The following WNT9B variants were observed in gnomAD, a reference collection of about 807,000 sequenced individuals.
WNT9B encodes the protein Wnt family member 9B, also known as protein Wnt-9b.
WNT9B carries 12 observed loss-of-function variants against 30.2 expected under a neutral mutation model. The observed-to-expected ratio is 0.40, with a 90% CI of 0.26 to 0.64. The LOEUF is 0.64. WNT9B is among the 30% of genes least tolerant of loss of function. The pLI is 0.42. For missense variants in WNT9B, 442 were observed against 485.2 expected (o/e 0.91, Z 0.84); for synonymous variants, 218 against 216.9 (o/e 1.01, Z -0.05).
chr17:46,846,435 A>T (rs1453783442), intron 1 of WNT9B, among the ~76,000 whole-genome samples: 1 of 152,238 alleles, frequency 6.6e-6, no homozygotes, highest in East Asian at 1.9e-4. Context: ...AGGTGTCTGC[A>T]GTCTACACAT....
At chr17:46,872,229 A>G (rs1213303559) in intron 1 of WNT9B, among the ~76,000 whole-genome samples, 1 of 152,228 alleles carries the variant, frequency 6.6e-6, no homozygotes, top group Non-Finnish European at 1.5e-5. Context: ...CGTATTTTTA[A>G]TAAGCACCCC....
chr17:46,876,881 CT>C lies in WNT9B; in HGVS notation c.*167del. ...CACTCACCACCATTCCTTGGCCAGC[CT>C]TTTGCCTCCCTCGATACTCAACAAA... On this transcript the variant is annotated 3_prime_UTR_variant, in exon 4 of 4. Coordinates refer to ENST00000290015, the MANE Select transcript of WNT9B (RefSeq NM_003396.3). The C allele has an allele frequency of 7.2e-7, 1 of 1,392,830 alleles. No individual in the cohort carries two copies. 86.3% of individuals were successfully genotyped at this position (1,392,830 alleles called of 1,614,324 possible). A position where few individuals can be genotyped will look rare whatever the true frequency, so the allele number is the denominator to read the frequency against.
At chr17:46,841,369 C>T (rs1297726039) in intron 1 of WNT9B, among the ~76,000 whole-genome samples, 2 of 152,200 alleles carry the variant, frequency 1.3e-5, no homozygotes, top group Non-Finnish European at 2.9e-5. Context: ...TGCTGTGAGG[C>T]TTCCCGGTGG....
At chr17:46,870,860 A>C (rs570805202) in intron 1 of WNT9B, among the ~76,000 whole-genome samples, 31 of 150,664 alleles carry the variant, frequency 2.1e-4, no homozygotes, top group African/African-American at 7.3e-4. Context: ...CAAGTGCCAC[A>C]TCCAAGCAGG....
At chr17:46,871,071 C>T (rs1230296568) in intron 1 of WNT9B, among the ~76,000 whole-genome samples, 2 of 152,042 alleles carry the variant, frequency 1.3e-5, no homozygotes, top group Admixed American at 1.3e-4. Flanking sequence ...CCACCATGCC[C>T]ACATAATTTT....
chr17:46,857,122 C>G (rs1010170984), intron 1 of WNT9B, among the ~76,000 whole-genome samples: 1 of 152,082 alleles, frequency 6.6e-6, no homozygotes, highest in Non-Finnish European at 1.5e-5. Flanking sequence ...GCTGAGTATT[C>G]CTTTGTATGG....
At position 46,872,572 on chromosome 17, in the gene WNT9B, C is replaced by G; in HGVS notation, c.133C>G (p.Pro45Ala). The change falls in exon 2 of 4, where the codon CCG becomes GCG. Residue 45 changes from proline to alanine, a missense_variant. Physicochemically the swap from Pro to Ala is conservative, Grantham distance 27. Coordinates refer to ENST00000290015, the MANE Select transcript of WNT9B (RefSeq NM_003396.3). Reference protein sequence around the residue: ...PFPGLGTAAAPAQGGAHLKQC... With the variant: ...PFPGLGTAAAAAQGGAHLKQC... ...CCCAGGATTGGGCACTGCGGCAGCCCCGGCACAGGGCGGGGCCCACCTGAA... is the reference window on the plus strand; with the variant it reads ...CCCAGGATTGGGCACTGCGGCAGCCGCGGCACAGGGCGGGGCCCACCTGAA... The G allele has an allele frequency of 6.3e-7, 1 of 1,599,602 alleles. No individual in the cohort carries two copies. The highest frequency in any genetic ancestry group is 8.5e-7 in the Non-Finnish European group (1 of 1,171,530).
rs146057219 is a variant in WNT9B at position 46,867,453 on chromosome 17, G to A, written c.78-5064G>A. Among the ~76,000 whole-genome samples, 460 of 152,336 alleles carry A rather than the reference G, an allele frequency of 3.0e-3. 3 individuals are homozygous for A. Among genetic ancestry groups the A allele is most frequent in the Middle Eastern group, 6.8e-3 (2 of 294 alleles). On this transcript the variant is annotated intron_variant, in intron 1 of 3. Transcript: ENST00000290015. ...TCAGTTGGTGAGGGGACAACCCTGA[G>A]GTCACCTCGGAGTGAGTCAGACCTA...
chr17:46,838,592 A>G (rs1239691613), intron 1 of WNT9B, among the ~76,000 whole-genome samples: 1 of 152,124 alleles, frequency 6.6e-6, no homozygotes, highest in African/African-American at 2.4e-5. Flanking sequence ...GCGCCACTGC[A>G]CTCCAGCCTG....
intron 1 of WNT9B, among the ~76,000 whole-genome samples, chr17:46,865,999 G>A (rs1381768444): frequency 2.6e-5 from 4 of 152,180 alleles, no homozygotes; most frequent in Non-Finnish European, 4.4e-5. Flanking sequence ...AAAAGAGGGG[G>A]TGGAGAGAGT....
intron 1 of WNT9B, among the ~76,000 whole-genome samples, chr17:46,856,510 A>C (rs920876702): frequency 6.8e-6 from 1 of 147,500 alleles, no homozygotes; most frequent in African/African-American, 2.5e-5. Flanking sequence ...TTTGAGATGG[A>C]GTCTCACTAT....
rs201141085 is a variant in WNT9B at position 46,875,354 on chromosome 17, C to T, written c.588C>T (p.His196=). The change falls in exon 3 of 4, where the codon CAC becomes CAT. Residue 196 remains histidine (H), a synonymous_variant. Transcript: ENST00000290015. ...CACGGGCAGACGCCCACAATACCCA[C>T]GTGGGCATCAAGGTGAGCATGTCCC... ...LRARADAHNT[H]VGIKAVKSGL... is the part of the protein sequence containing the mutation. 57 of 1,604,502 alleles carry T rather than the reference C, an allele frequency of 3.6e-5. No individual in the cohort carries two copies. Among genetic ancestry groups the T allele is most frequent in the South Asian group, 2.0e-4 (18 of 89,922 alleles).
At chr17:46,857,636 T>C (rs935937457) in intron 1 of WNT9B, among the ~76,000 whole-genome samples, 48 of 152,344 alleles carry the variant, frequency 3.2e-4, no homozygotes, top group African/African-American at 1.0e-3. Context: ...AGATGGTTGA[T>C]ATATGCATAA....
chr17:46,833,270 G>GTGA (rs2084579030), exon 1 of WNT9B: 5 of 465,244 alleles, frequency 1.1e-5, no homozygotes, highest in Non-Finnish European at 1.7e-5. Context: ...AGCTCCCTGG[G>GTGA]TGATGGCTCC....
rs1034776419 is a variant in WNT9B at position 46,877,613 on chromosome 17, C to A, written c.*895C>A. Among the ~76,000 whole-genome samples, 18 of 152,318 alleles carry A rather than the reference C, an allele frequency of 1.2e-4. No individual in the cohort carries two copies. Among genetic ancestry groups the A allele is most frequent in the African/African-American group, 4.1e-4 (17 of 41,566 alleles). ...CCAGCGCAGAGGAGGAGGGCAACAGCTTCCTGGTGCCTGGCAGTGACGTGG... is the reference window on the plus strand; with the variant it reads ...CCAGCGCAGAGGAGGAGGGCAACAGATTCCTGGTGCCTGGCAGTGACGTGG... On this transcript the variant is annotated 3_prime_UTR_variant, in exon 4 of 4. Coordinates refer to ENST00000290015, the MANE Select transcript of WNT9B (RefSeq NM_003396.3).
downstream of WNT9B, among the ~76,000 whole-genome samples, chr17:46,883,192 C>T (rs557355892): frequency 3.9e-5 from 6 of 152,056 alleles, no homozygotes; most frequent in Non-Finnish European, 7.4e-5. Flanking sequence ...CCACGTTAGC[C>T]AGGATGGTCT....
intron 1 of WNT9B, among the ~76,000 whole-genome samples, chr17:46,838,898 GA>G (rs1373174313): frequency 6.6e-6 from 1 of 152,110 alleles, no homozygotes; most frequent in Non-Finnish European, 1.5e-5. Flanking sequence ...TGTTTTCTGA[GA>G]CGGAGTCGCA....
At chr17:46,858,384 T>C (rs1288371266) in intron 1 of WNT9B, among the ~76,000 whole-genome samples, 2 of 152,240 alleles carry the variant, frequency 1.3e-5, no homozygotes, top group African/African-American at 2.4e-5. Context: ...TTTTCTTGTA[T>C]GGTTTGTGCT....
chr17:46,858,372 C>T (rs2084974856), intron 1 of WNT9B, among the ~76,000 whole-genome samples: 1 of 152,204 alleles, frequency 6.6e-6, no homozygotes, highest in South Asian at 2.1e-4. Flanking sequence ...AGTGTATCAA[C>T]CTTTTCTTGT....
Sources: gnomAD v4.1 joint callset for allele counts (sites outside exome capture counted in the v4.1 genomes callset) on GRCh38, gnomAD v4.1.1 for gene constraint, MANE v1.5 for transcripts, NCBI Gene and HGNC (gene_info 2026-07-23, HGNC 2026-07-21) for gene names.